Variants in CPED1 observed in about 807,000 individuals in gnomAD.
The protein encoded by CPED1 is cadherin-like and PC-esterase domain-containing protein 1.
A neutral mutation model predicts 128.2 loss-of-function variants in CPED1; 114 were observed. The observed-to-expected ratio is 0.89, with a 90% CI of 0.76 to 1.04. The LOEUF (loss-of-function observed/expected upper bound fraction) is 1.04, where lower values mean the gene tolerates loss of function less well. Among genes scored for constraint, CPED1 ranks in the 50% least tolerant of loss-of-function variants. The pLI, the probability that CPED1 is intolerant of heterozygous loss-of-function variation, is 0.00. For missense variants in CPED1, 1,211 were observed against 1,207.1 expected, an observed-to-expected ratio of 1.00 and a Z score of -0.05; for synonymous variants, 462 against 426.7, an observed-to-expected ratio of 1.08 and a Z score of -1.02.
intron 16 of CPED1, among the ~76,000 whole-genome samples, chr7:121,226,151 C>G (rs1341874247): frequency 6.6e-6 from 1 of 152,084 alleles, no homozygotes; most frequent in Non-Finnish European, 1.5e-5. Flanking sequence ...TGGTAATCTA[C>G]AGATGGGGTT....
intron 18 of CPED1, among the ~76,000 whole-genome samples, chr7:121,261,432 A>G (rs1296462412): frequency 6.6e-6 from 1 of 152,094 alleles, no homozygotes; most frequent in African/African-American, 2.4e-5. Context: ...AGAATGTAGT[A>G]GAGAATAACT....
In CPED1 at chr7:121,267,515, C is replaced by T. The variant is rs568079147; in HGVS notation, c.2721+213C>T. On this transcript the variant is annotated intron_variant, in intron 21 of 22. Coordinates refer to ENST00000310396, the MANE Select transcript of CPED1 (RefSeq NM_024913.5). The stretch of plus-strand genomic sequence containing the variant: ...CCTTTTGTCAGGTTCATGCTGAATC[C>T]ACACAAAAAAATTATCACTATCATG... 1.3e-3 allele frequency among the ~76,000 whole-genome samples: 203 copies of T among 152,052 alleles called. 1 individual carries two copies. Among genetic ancestry groups the T allele is most frequent in the Non-Finnish European group, 2.4e-3 (161 of 67,954 alleles).
At chr7:120,998,013 G>A (rs1316212271) in intron 2 of CPED1, among the ~76,000 whole-genome samples, 1 of 151,656 alleles carries the variant, frequency 6.6e-6, no homozygotes, top group Non-Finnish European at 1.5e-5. Context: ...TAGGAAGACA[G>A]AGACACACAG....
intron 16 of CPED1, among the ~76,000 whole-genome samples, chr7:121,226,867 T>G (rs1237642349): frequency 6.6e-6 from 1 of 152,136 alleles, no homozygotes; most frequent in African/African-American, 2.4e-5. Flanking sequence ...AATCAGACAA[T>G]AGCTACTCAG....
At chr7:121,233,169 C>T (rs1024251974) in intron 16 of CPED1, among the ~76,000 whole-genome samples, 4 of 152,018 alleles carry the variant, frequency 2.6e-5, no homozygotes, top group Non-Finnish European at 4.4e-5. Flanking sequence ...ACTTTGCACA[C>T]GTATGAACAA....
At chr7:121,045,280 T>C (rs923659329) in intron 3 of CPED1, among the ~76,000 whole-genome samples, 9 of 152,206 alleles carry the variant, frequency 5.9e-5, no homozygotes, top group Non-Finnish European at 1.2e-4. Flanking sequence ...CTTATTGTGC[T>C]GTCTTCCAGC....
In CPED1 at chr7:121,043,913, C is replaced by A. The variant is rs114387022; in HGVS notation, c.434-2974C>A. ...GACTTGCCTGTGTGCTTTTAGTTTG[C>A]AATCTCTGCTGGAGACCTTGGGCAT... is the stretch of plus-strand genomic sequence containing the variant. On this transcript the variant is annotated intron_variant, in intron 3 of 22. Transcript: ENST00000310396. 4.2e-3 allele frequency among the ~76,000 whole-genome samples: 637 copies of A among 152,326 alleles called. 6 individuals carry two copies. Among genetic ancestry groups the A allele is most frequent in the Middle Eastern group, 0.02 (6 of 294 alleles).
intron 5 of CPED1, among the ~76,000 whole-genome samples, chr7:121,094,481 G>A (rs1794651760): frequency 6.6e-6 from 1 of 152,124 alleles, no homozygotes; most frequent in Non-Finnish European, 1.5e-5. Flanking sequence ...TAATTCATTG[G>A]AATATGATTT....
intron 16 of CPED1, among the ~76,000 whole-genome samples, chr7:121,224,754 CTATTT>C (rs1584611208): frequency 8.4e-6 from 1 of 118,424 alleles, no homozygotes; most frequent in African/African-American, 3.2e-5. Context: ...GGTTTAAAGT[CTATTT>C]TATCAGAGAC....
At chr7:121,259,572 A>T (rs1230314927) in intron 18 of CPED1, among the ~76,000 whole-genome samples, 3 of 152,096 alleles carry the variant, frequency 2.0e-5, no homozygotes, top group African/African-American at 7.2e-5. Flanking sequence ...CTTTAAATAG[A>T]TACCTACCTC....
chr7:121,058,562 G>C (rs1211658727), intron 4 of CPED1, among the ~76,000 whole-genome samples: 1 of 152,186 alleles, frequency 6.6e-6, no homozygotes, highest in African/African-American at 2.4e-5. Flanking sequence ...CTGAGGCACA[G>C]AGAGGTTATA....
At chr7:121,178,917 G>A (rs1796840581) in intron 16 of CPED1, among the ~76,000 whole-genome samples, 1 of 152,044 alleles carries the variant, frequency 6.6e-6, no homozygotes. Flanking sequence ...ACTTTGTGAA[G>A]CCAGGTGAGA....
At chr7:120,996,030 G>A (rs1241286980) in intron 2 of CPED1, among the ~76,000 whole-genome samples, 5 of 151,278 alleles carry the variant, frequency 3.3e-5, no homozygotes, top group Admixed American at 1.3e-4. Context: ...TGTAATCCTA[G>A]CACTTTGGGA....
chr7:121,029,518 C>A (rs1356391351), intron 3 of CPED1, among the ~76,000 whole-genome samples: 1 of 152,134 alleles, frequency 6.6e-6, no homozygotes, highest in Non-Finnish European at 1.5e-5. Flanking sequence ...GCTGGAATGG[C>A]AGGCACGTTC....
chr7:121,056,823 T>A (rs1363814661), intron 4 of CPED1, among the ~76,000 whole-genome samples: 2 of 152,182 alleles, frequency 1.3e-5, no homozygotes, highest in South Asian at 4.1e-4. Context: ...ATGAGGTACA[T>A]GTGATATTTT....
At chr7:121,158,985 T>C (rs1796352439) in intron 16 of CPED1, among the ~76,000 whole-genome samples, 1 of 152,184 alleles carries the variant, frequency 6.6e-6, no homozygotes, top group Non-Finnish European at 1.5e-5. Flanking sequence ...ATAACAATAA[T>C]AATTTCCAGC....
intron 2 of CPED1, among the ~76,000 whole-genome samples, chr7:120,998,814 CT>C (rs754633111): frequency 0.033 from 4,675 of 142,950 alleles, 92 homozygotes; most frequent in African/African-American, 0.068. Flanking sequence ...TTGTGGAATC[CT>C]TTTTTTTTTT....
intron 2 of CPED1, among the ~76,000 whole-genome samples, chr7:121,007,248 T>TG (rs1398321409): frequency 6.6e-6 from 1 of 150,812 alleles, no homozygotes; most frequent in Non-Finnish European, 1.5e-5. Context: ...TTTTTTTTTT[T>TG]TGTCTTGCAA....
intron 16 of CPED1, among the ~76,000 whole-genome samples, chr7:121,172,767 A>T (rs185906316): frequency 2.0e-5 from 3 of 152,302 alleles, no homozygotes; most frequent in Admixed American, 6.5e-5. Flanking sequence ...CTGCTAAAAA[A>T]GTCAGTTCCC....
Sources: gnomAD v4.1 joint callset for allele counts (sites outside exome capture counted in the v4.1 genomes callset) on GRCh38, gnomAD v4.1.1 for gene constraint, MANE v1.5 for transcripts, NCBI Gene and HGNC (gene_info 2026-07-23, HGNC 2026-07-21) for gene names.